The following DCHS2 variants were observed in gnomAD, a reference collection of about 807,000 sequenced individuals.
DCHS2 encodes the protein dachsous cadherin-related 2.
In DCHS2, 142 loss-of-function variants were observed where a neutral mutation model predicts 182.4. The observed-to-expected ratio is 0.78, with a 90% CI of 0.68 to 0.89. The LOEUF is 0.89. Among genes scored for constraint, DCHS2 ranks in the 40% least tolerant of loss-of-function variants. DCHS2 has a pLI of 0.00. For missense variants in DCHS2, 4,319 were observed against 4,198.6 expected (o/e 1.03, Z -0.79); for synonymous variants, 1,740 against 1,663.3 (o/e 1.05, Z -1.12).
At chr4:154,361,703 C>A (rs975231137) in intron 3 of DCHS2, among the ~76,000 whole-genome samples, 1 of 152,042 alleles carries the variant, frequency 6.6e-6, no homozygotes, top group African/African-American at 2.4e-5. Flanking sequence ...AGAAACAGAA[C>A]AGGAAGATAA....
chr4:154,319,453 T>C (rs556498527), intron 9 of DCHS2, among the ~76,000 whole-genome samples: 1 of 151,680 alleles, frequency 6.6e-6, no homozygotes, highest in Non-Finnish European at 1.5e-5. Context: ...ATATCCAGAA[T>C]ATATATAAAA....
At chr4:154,486,510 G>A (rs568700996) in intron 1 of DCHS2, 5 of 1,304,522 alleles carry the variant, frequency 3.8e-6, no homozygotes, top group East Asian at 5.5e-5. Flanking sequence ...GGCAACTTGA[G>A]CAGATATAAG....
intron 12 of DCHS2, among the ~76,000 whole-genome samples, chr4:154,303,490 A>G (rs1219813422): frequency 6.6e-6 from 1 of 151,192 alleles, no homozygotes; most frequent in Non-Finnish European, 1.5e-5. Flanking sequence ...GAAGCAAAAA[A>G]AAAAAAAAAA....
At chr4:154,377,512 T>A in intron 1 of DCHS2, 68 bp from the exon 2 acceptor site, 2 of 1,337,602 alleles carry the variant, frequency 1.5e-6, no homozygotes, top group Non-Finnish European at 2.1e-6. Context: ...AGTCATGAAT[T>A]ATTAAAACAA....
chr4:154,323,908 T>C (rs1434479871), intron 7 of DCHS2, among the ~76,000 whole-genome samples: 4 of 151,776 alleles, frequency 2.6e-5, no homozygotes, highest in Non-Finnish European at 4.4e-5. Flanking sequence ...ACACTTCTGG[T>C]CCCAAGCATT....
chr4:154,404,945 A>C (rs1732336512), intron 1 of DCHS2, among the ~76,000 whole-genome samples: 1 of 152,032 alleles, frequency 6.6e-6, no homozygotes, highest in Non-Finnish European at 1.5e-5. Context: ...GAGTCCACCC[A>C]CTTTAAACAT....
rs371776231 is a variant in DCHS2 at position 154,243,841 on chromosome 4, T to C, written c.6942-1069A>G. ...ACCAACCTCCCTGCTGTGAGTCTCC[T>C]CTTGTTCCATCCACCCTCTATATTG... On this transcript the variant is annotated intron_variant, in intron 16 of 19. Transcript: ENST00000357232. 3.5e-4 allele frequency among the ~76,000 whole-genome samples: 53 copies of C among 152,270 alleles called. No homozygotes were observed. In the South Asian group the frequency reaches 0.011, roughly 31 times the overall value.
chr4:154,491,033 T>C lies in DCHS2; in HGVS notation c.323A>G (p.Asp108Gly). ...GSGFFLSEDS[D>G]DSPLLDDFHV... ...GAAGTCGTCCAGCAGCGGGGAGTCA[T>C]CGGAGTCCTCCGACAGAAAGAAGCC... The change falls in exon 1 of 20, where the codon GAT (aspartate) becomes GGT (glycine). Residue 108 changes from aspartate to glycine, a missense_variant. Physicochemically the swap from Asp to Gly is moderately conservative, Grantham distance 94. Coordinates refer to ENST00000357232, the MANE Select transcript of DCHS2 (RefSeq NM_001358235.2). 1.3e-6 allele frequency: 2 copies of C among 1,551,002 alleles called. No homozygotes were observed. The highest frequency in any genetic ancestry group is 1.7e-6 in the Non-Finnish European group (2 of 1,146,826).
At chr4:154,247,054 A>C (rs1181006342) in intron 16 of DCHS2, among the ~76,000 whole-genome samples, 2 of 152,224 alleles carry the variant, frequency 1.3e-5, no homozygotes, top group Non-Finnish European at 2.9e-5. Flanking sequence ...TTTTATTAAA[A>C]GTGAACACTG....
At position 154,416,139 on chromosome 4, in the gene DCHS2, G is replaced by C. The variant is rs1396894373; in HGVS notation, c.2053-38695C>G. 2.6e-5 allele frequency among the ~76,000 whole-genome samples: 4 copies of C among 152,230 alleles called. No individual in the cohort carries two copies. The East Asian group carries it at 5.8e-4, about 22-fold the overall frequency. On this transcript the variant is annotated intron_variant, in intron 1 of 19. Transcript: ENST00000357232. ...GAACTGAGATGAGCACAAGAGAAGG[G>C]GTAGGAAGAGGGCGCTAAGTCAAAT...
At chr4:154,305,821 C>G (rs1735423352) in intron 10 of DCHS2, among the ~76,000 whole-genome samples, 1 of 152,108 alleles carries the variant, frequency 6.6e-6, no homozygotes, top group African/African-American at 2.4e-5. Context: ...TTTCATTTCT[C>G]CCCTGAGAAA....
At chr4:154,350,285 A>G (rs1268754544) in intron 3 of DCHS2, among the ~76,000 whole-genome samples, 3 of 152,222 alleles carry the variant, frequency 2.0e-5, no homozygotes, top group African/African-American at 7.2e-5. Flanking sequence ...GAAAGCTCTC[A>G]TCACAAGCCA....
intron 16 of DCHS2, 145 bp downstream of exon 16, chr4:154,255,374 A>C (rs1732605051): frequency 8.5e-7 from 1 of 1,180,532 alleles, no homozygotes; most frequent in Non-Finnish European, 1.1e-6. Flanking sequence ...AAAAGAGTAG[A>C]TCAAAGAGAA....
chr4:154,303,366 A>C (rs1203635994), intron 12 of DCHS2, among the ~76,000 whole-genome samples: 2 of 152,050 alleles, frequency 1.3e-5, no homozygotes, highest in African/African-American at 4.8e-5. Flanking sequence ...TTAATGTGTC[A>C]ATATTTAGGA....
chr4:154,247,511 G>A (rs138103680), intron 16 of DCHS2, among the ~76,000 whole-genome samples: 2,866 of 151,766 alleles, frequency 0.019, 64 homozygotes, highest in African/African-American at 0.064. Context: ...GTGTGGTAGT[G>A]GGTGCCTGTA....
At chr4:154,362,182 AG>A (rs1247688195) in intron 3 of DCHS2, among the ~76,000 whole-genome samples, 1 of 152,216 alleles carries the variant, frequency 6.6e-6, no homozygotes, top group African/African-American at 2.4e-5. Flanking sequence ...GTATTCTGGA[AG>A]AGAATAGAAA....
intron 1 of DCHS2, among the ~76,000 whole-genome samples, chr4:154,421,381 A>C (rs140022675): frequency 2.4e-4 from 36 of 150,486 alleles, no homozygotes; most frequent in African/African-American, 8.2e-4. Flanking sequence ...GTGTTAATTT[A>C]ATTTAATTTA....
At chr4:154,351,834 C>A (rs1334509172) in intron 3 of DCHS2, among the ~76,000 whole-genome samples, 1 of 152,098 alleles carries the variant, frequency 6.6e-6, no homozygotes, top group Non-Finnish European at 1.5e-5. Context: ...AATGCTCACT[C>A]ACCTCCCATT....
At chr4:154,295,434 A>T (rs1298942167) in intron 13 of DCHS2, among the ~76,000 whole-genome samples, 1 of 152,226 alleles carries the variant, frequency 6.6e-6, no homozygotes, top group East Asian at 1.9e-4. Context: ...ATAGGAATTC[A>T]TATGTGGAAA....
Sources: gnomAD v4.1 joint callset for allele counts (sites outside exome capture counted in the v4.1 genomes callset) on GRCh38, gnomAD v4.1.1 for gene constraint, MANE v1.5 for transcripts, NCBI Gene and HGNC (gene_info 2026-07-23, HGNC 2026-07-21) for gene names.